MDGA2: variants seen among roughly 807,000 people sequenced by gnomAD.
MDGA2 encodes the protein MAM domain-containing glycosylphosphatidylinositol anchor protein 2.
A neutral mutation model predicts 117.8 loss-of-function variants in MDGA2; 40 were observed. The ratio of observed to expected loss-of-function variants is 0.34; its 90% CI spans 0.26 to 0.44. The LOEUF is 0.44. Ranked by LOEUF, MDGA2 falls within the 20% of genes least tolerant of loss-of-function variation. The pLI, the probability that MDGA2 is intolerant of heterozygous loss-of-function variation, is 1.00. For synonymous variants in MDGA2, 452 were observed against 439.0 expected (o/e 1.03, Z -0.37); for missense variants, 1,123 against 1,250.6 (o/e 0.90, Z 1.54).
chr14:47,002,854 AT>A (rs1198423161), intron 8 of MDGA2, among the ~76,000 whole-genome samples: 1 of 152,170 alleles, frequency 6.6e-6, no homozygotes, highest in Non-Finnish European at 1.5e-5. Flanking sequence ...TTGACAAAAA[AT>A]AAACTACACA....
At chr14:47,214,106 T>C (rs552389162) in intron 3 of MDGA2, among the ~76,000 whole-genome samples, 1 of 152,172 alleles carries the variant, frequency 6.6e-6, no homozygotes, top group African/African-American at 2.4e-5. Context: ...CATGATTCAA[T>C]TACCTCCACC....
intron 1 of MDGA2, among the ~76,000 whole-genome samples, chr14:47,389,939 A>T (rs1891855379): frequency 6.6e-6 from 1 of 152,036 alleles, no homozygotes. Context: ...CTTGACTCTC[A>T]GACAGAAACA....
At chr14:47,207,139 C>G (rs1471032416) in intron 3 of MDGA2, among the ~76,000 whole-genome samples, 1 of 151,798 alleles carries the variant, frequency 6.6e-6, no homozygotes, top group Non-Finnish European at 1.5e-5. Flanking sequence ...ATAAGGTGAC[C>G]TCTACTCTGT....
rs928677952 is a variant in MDGA2 at position 47,006,378 on chromosome 14, TATTATA to T, written c.1819+28627_1819+28632del. ...GGTTCACTACAACATATATTAAAAA[TATTATA>T]ATTATAATTATATAATTAAAATTAT... On this transcript the variant is annotated intron_variant, in intron 8 of 16. Coordinates refer to ENST00000399232, the MANE Select transcript of MDGA2 (RefSeq NM_001113498.3). 1.7e-4 allele frequency among the ~76,000 whole-genome samples: 25 copies of T among 147,032 alleles called. 1 individual carries two copies. Among genetic ancestry groups the T allele is most frequent in the South Asian group, 8.4e-4 (4 of 4,748 alleles).
At chr14:46,974,154 T>C (rs910207586) in intron 8 of MDGA2, among the ~76,000 whole-genome samples, 1 of 152,120 alleles carries the variant, frequency 6.6e-6, no homozygotes, top group Non-Finnish European at 1.5e-5. Flanking sequence ...TTTAAATACT[T>C]AGGAGTTAAT....
At position 46,873,554 on chromosome 14, in the gene MDGA2, C is replaced by T; in HGVS notation, c.2631G>A (p.Leu877=). The change falls in exon 14 of 17, where the codon TTG becomes TTA. Residue 877 remains leucine, a synonymous_variant. Coordinates refer to ENST00000399232, the MANE Select transcript of MDGA2 (RefSeq NM_001113498.3). ...TGAGAAGTCGAGCCTTTTCGCCTTC[C>T]AATCTGGGTCGTGATGTCTCAATGT... ...YMYIETSRPR[L]EGEKARLLSP... The T allele has an allele frequency of 6.2e-7, 1 of 1,612,300 alleles. No homozygotes were observed. The highest frequency in any genetic ancestry group is 8.5e-7 in the Non-Finnish European group (1 of 1,178,924).
intron 1 of MDGA2, among the ~76,000 whole-genome samples, chr14:47,465,933 C>A (rs905914113): frequency 1.3e-5 from 2 of 152,000 alleles, no homozygotes; most frequent in African/African-American, 4.8e-5. Flanking sequence ...AACTTGAATG[C>A]TCATCAATGA....
intron 3 of MDGA2, among the ~76,000 whole-genome samples, chr14:47,153,821 C>T (rs1448509387): frequency 6.6e-6 from 1 of 151,756 alleles, no homozygotes; most frequent in South Asian, 2.1e-4. Flanking sequence ...TAAAATAGCA[C>T]TTCCACAGCC....
At chr14:47,476,645 T>C (rs970793661) in intron 1 of MDGA2, among the ~76,000 whole-genome samples, 1 of 152,112 alleles carries the variant, frequency 6.6e-6, no homozygotes, top group Non-Finnish European at 1.5e-5. Flanking sequence ...TCATTTAGCA[T>C]GAGATTATAT....
At chr14:47,436,789 G>A (rs1027593324) in intron 1 of MDGA2, among the ~76,000 whole-genome samples, 2 of 152,150 alleles carry the variant, frequency 1.3e-5, no homozygotes, top group East Asian at 1.9e-4. Context: ...GTGGCCACGG[G>A]TTGGACAAGC....
chr14:47,196,563 A>G (rs1037799167), intron 3 of MDGA2, among the ~76,000 whole-genome samples: 1 of 152,320 alleles, frequency 6.6e-6, no homozygotes, highest in African/African-American at 2.4e-5. Flanking sequence ...ATAACCCTAA[A>G]AAGCTACTTT....
At chr14:47,443,623 T>C (rs1366402970) in intron 1 of MDGA2, among the ~76,000 whole-genome samples, 2 of 152,204 alleles carry the variant, frequency 1.3e-5, no homozygotes, top group Admixed American at 6.6e-5. Flanking sequence ...TTTGTTTTTA[T>C]AATAAAAGAA....
intron 1 of MDGA2, chr14:47,343,215 TTTTG>T (rs1352934859): frequency 2.9e-5 from 33 of 1,139,448 alleles, no homozygotes; most frequent in Admixed American, 9.2e-5. Flanking sequence ...TGGTGATTTT[TTTTG>T]TTTGTTTGTT....
chr14:46,889,785 C>T (rs372520935), intron 10 of MDGA2, among the ~76,000 whole-genome samples: 1 of 152,032 alleles, frequency 6.6e-6, no homozygotes, highest in Admixed American at 6.6e-5. Flanking sequence ...TCAGTCTACC[C>T]TACTATGCTA....
intron 1 of MDGA2, among the ~76,000 whole-genome samples, chr14:47,540,563 T>TATCTATATATATATATATATACAC (rs370481455): frequency 8.9e-6 from 1 of 112,522 alleles, no homozygotes; most frequent in Non-Finnish European, 1.9e-5. Context: ...TGTATATATA[T>TATCTATATATATATATATATACAC]ACACACACAC....
chr14:46,994,656 G>A (rs1017065493), intron 8 of MDGA2, among the ~76,000 whole-genome samples: 3 of 152,040 alleles, frequency 2.0e-5, no homozygotes, highest in Admixed American at 6.6e-5. Flanking sequence ...TCAGTGCCAC[G>A]TTACTTCCTC....
intron 9 of MDGA2, among the ~76,000 whole-genome samples, chr14:46,950,901 C>G (rs965392082): frequency 1.3e-5 from 2 of 151,550 alleles, no homozygotes; most frequent in Non-Finnish European, 2.9e-5. Flanking sequence ...AGATAAAATA[C>G]TTTATTTTGA....
At chr14:46,859,186 T>C (rs1162736533) in intron 14 of MDGA2, among the ~76,000 whole-genome samples, 1 of 152,152 alleles carries the variant, frequency 6.6e-6, no homozygotes, top group Non-Finnish European at 1.5e-5. Flanking sequence ...CTGGTTTCAT[T>C]GTGCTGCCAG....
intron 6 of MDGA2, 100 bp from the exon 7 acceptor site, chr14:47,061,678 C>A: frequency 3.1e-6 from 3 of 970,934 alleles, no homozygotes; most frequent in Non-Finnish European, 4.5e-6. Context: ...AAAGTAAAAC[C>A]AAATAAAGTG....
Sources: allele counts gnomAD v4.1 joint callset (sites outside exome capture counted in the v4.1 genomes callset), GRCh38; gene constraint gnomAD v4.1.1; transcripts MANE v1.5; gene names NCBI Gene and HGNC (gene_info 2026-07-23, HGNC 2026-07-21).